HNF1B: variants seen among roughly 807,000 people sequenced by gnomAD.
The protein encoded by HNF1B is HNF1 homeobox B.
In HNF1B, 8 loss-of-function variants were observed where a neutral mutation model predicts 61.7. The observed-to-expected ratio is 0.13, with a 90% CI of 0.08 to 0.23. The LOEUF (loss-of-function observed/expected upper bound fraction) is 0.23, where lower values mean the gene tolerates loss of function less well. Among genes scored for constraint, HNF1B ranks in the 10% least tolerant of loss-of-function variants. The pLI is 1.00. For synonymous variants in HNF1B, 314 were observed against 287.7 expected (o/e 1.09, Z -0.93); for missense variants, 562 against 714.5 (o/e 0.79, Z 2.43).
intron 4 of HNF1B, among the ~76,000 whole-genome samples, chr17:37,716,258 C>T (rs1013589546): frequency 6.6e-6 from 1 of 152,098 alleles, no homozygotes; most frequent in African/African-American, 2.4e-5. Context: ...AGTACAGTGG[C>T]GTAATCTCGG....
At chr17:37,739,415 G>A (rs1415532237) in intron 2 of HNF1B, 25 bp downstream of exon 2, 9 of 1,609,222 alleles carry the variant, frequency 5.6e-6, no homozygotes, top group Non-Finnish European at 7.7e-6. Context: ...TCAGGTTGAG[G>A]CAGAGGCAGG....
chr17:37,700,385 T>G (rs2032525573), intron 7 of HNF1B, among the ~76,000 whole-genome samples: 3 of 152,224 alleles, frequency 2.0e-5, no homozygotes, highest in Admixed American at 2.0e-4. Flanking sequence ...ACAGTCTGTG[T>G]GCAGAGATGC....
intron 4 of HNF1B, among the ~76,000 whole-genome samples, chr17:37,713,238 A>T (rs191143734): frequency 2.0e-5 from 3 of 152,314 alleles, no homozygotes; most frequent in African/African-American, 7.2e-5. Flanking sequence ...GTCTCAAGTC[A>T]AACAGTCTCT....
intron 4 of HNF1B, among the ~76,000 whole-genome samples, chr17:37,726,052 C>G (rs1236837534): frequency 6.6e-6 from 1 of 152,144 alleles, no homozygotes; most frequent in Non-Finnish European, 1.5e-5. Context: ...CACCCTTACC[C>G]CACCTCTTTG....
At chr17:37,736,674 G>C (rs1006791189) in intron 2 of HNF1B, among the ~76,000 whole-genome samples, 1 of 152,212 alleles carries the variant, frequency 6.6e-6, no homozygotes, top group African/African-American at 2.4e-5. Flanking sequence ...TTTGTGTCTG[G>C]TGGGTGTGAG....
At chr17:37,692,559 G>C (rs544146422) in intron 8 of HNF1B, among the ~76,000 whole-genome samples, 1 of 152,320 alleles carries the variant, frequency 6.6e-6, no homozygotes, top group African/African-American at 2.4e-5. Flanking sequence ...AGCATCTGGG[G>C]TGCTGCTTGG....
chr17:37,714,956 G>C (rs547875535), intron 4 of HNF1B, among the ~76,000 whole-genome samples: 15 of 152,184 alleles, frequency 9.9e-5, no homozygotes, highest in South Asian at 8.3e-4. Flanking sequence ...TGGCAGAACT[G>C]GGCCTTTGTG....
intron 4 of HNF1B, among the ~76,000 whole-genome samples, chr17:37,719,746 G>A (rs1158983961): frequency 6.6e-6 from 1 of 152,166 alleles, no homozygotes; most frequent in Non-Finnish European, 1.5e-5. Flanking sequence ...ACAAAAGTAA[G>A]GTCCTATAAA....
intron 4 of HNF1B, chr17:37,731,340 G>A: frequency 3.2e-6 from 2 of 616,622 alleles, no homozygotes; most frequent in Non-Finnish European, 5.9e-6. Flanking sequence ...GAAGAAGAGG[G>A]AAGGAGACAA....
intron 8 of HNF1B, among the ~76,000 whole-genome samples, chr17:37,694,920 C>A (rs927441592): frequency 6.6e-6 from 1 of 152,084 alleles, no homozygotes; most frequent in East Asian, 1.9e-4. Context: ...GGAAGCAGAG[C>A]GTAAAAGTTT....
At chr17:37,726,136 C>CTGTG (rs60311199) in intron 4 of HNF1B, among the ~76,000 whole-genome samples, 16,036 of 150,388 alleles carry the variant, frequency 0.11, 1,007 homozygotes, top group Middle Eastern at 0.2. Context: ...CTGCTGGGGG[C>CTGTG]TGTGTGTGTG....
chr17:37,726,549 C>G (rs933411232), intron 4 of HNF1B, among the ~76,000 whole-genome samples: 1 of 152,190 alleles, frequency 6.6e-6, no homozygotes, highest in Admixed American at 6.5e-5. Flanking sequence ...GGGAAAACAA[C>G]AGCATTCACA....
chr17:37,717,722 G>T (rs927045879), intron 4 of HNF1B, among the ~76,000 whole-genome samples: 1 of 152,204 alleles, frequency 6.6e-6, no homozygotes, highest in African/African-American at 2.4e-5. Context: ...TGGAAGAAAA[G>T]AATGTGAACA....
At chr17:37,706,856 G>A (rs1399981342) in intron 5 of HNF1B, among the ~76,000 whole-genome samples, 1 of 152,086 alleles carries the variant, frequency 6.6e-6, no homozygotes, top group Non-Finnish European at 1.5e-5. Flanking sequence ...TGTGACTTTA[G>A]GATTTGTAAA....
At chr17:37,689,986 CAAGT>C (rs1205141119) in intron 8 of HNF1B, among the ~76,000 whole-genome samples, 2 of 138,926 alleles carry the variant, frequency 1.4e-5, no homozygotes, top group South Asian at 2.4e-4. Context: ...GAATAATAAA[CAAGT>C]AAACAAATGC....
chr17:37,737,701 GGCGGGCACCT>G (rs974253425), intron 2 of HNF1B, among the ~76,000 whole-genome samples: 21 of 151,898 alleles, frequency 1.4e-4, no homozygotes, highest in African/African-American at 4.8e-4. Flanking sequence ...CAGGTGTGGT[GGCGGGCACCT>G]GCAGTCCCAG....
chr17:37,731,282 C>A lies in HNF1B; in HGVS notation c.1045+313G>T, dbSNP rs892508387. 4 of 518,298 alleles carry A rather than the reference C, an allele frequency of 7.7e-6. No individual in the cohort carries two copies. In the East Asian group the frequency reaches 1.0e-4, roughly 13 times the overall value. 32.1% of individuals were successfully genotyped at this position (518,298 alleles called of 1,614,324 possible). A position where few individuals can be genotyped will look rare whatever the true frequency, so the allele number is the denominator to read the frequency against. ...GTTTGGATCTGGCCCACCCATAAGG[C>A]AGCCTCCTCAGTGTAGAATGACCGC... On this transcript the variant is annotated intron_variant, in intron 4 of 8. Coordinates refer to ENST00000617811, the MANE Select transcript of HNF1B (RefSeq NM_000458.4).
chr17:37,727,226 G>A (rs374476315), intron 4 of HNF1B, among the ~76,000 whole-genome samples: 1 of 152,190 alleles, frequency 6.6e-6, no homozygotes, highest in Admixed American at 6.5e-5. Context: ...CCAGAAGGGA[G>A]GTAGAGGCCA....
chr17:37,720,786 A>G, intron 4 of HNF1B: 4 of 985,274 alleles, frequency 4.1e-6, no homozygotes, highest in Non-Finnish European at 4.8e-6. Context: ...CAGAATACAT[A>G]CATACAGAGC....
Sources: gnomAD v4.1 joint callset for allele counts (sites outside exome capture counted in the v4.1 genomes callset) on GRCh38, gnomAD v4.1.1 for gene constraint, MANE v1.5 for transcripts, NCBI Gene and HGNC (gene_info 2026-07-23, HGNC 2026-07-21) for gene names.